CCDC85C: variants seen among roughly 807,000 people sequenced by gnomAD.
CCDC85C encodes coiled-coil domain containing 85C.
CCDC85C carries 18 observed loss-of-function variants against 38.3 expected under a neutral mutation model. The ratio of observed to expected loss-of-function variants is 0.47; its 90% CI spans 0.33 to 0.70. The LOEUF is 0.70. Among genes scored for constraint, CCDC85C ranks in the 30% least tolerant of loss-of-function variants. CCDC85C has a pLI of 0.03. For synonymous variants in CCDC85C, 264 were observed against 293.8 expected (o/e 0.90, Z 1.04); for missense variants, 566 against 621.2 (o/e 0.91, Z 0.94).
chr14:99,602,631 C>T (rs2055212448), intron 1 of CCDC85C, among the ~76,000 whole-genome samples: 1 of 152,184 alleles, frequency 6.6e-6, no homozygotes, highest in Non-Finnish European at 1.5e-5. Context: ...AGCCCCAGGC[C>T]TCTCCCCAAC....
At chr14:99,540,369 GC>G (rs1897688176) in intron 1 of CCDC85C, among the ~76,000 whole-genome samples, 1 of 152,176 alleles carries the variant, frequency 6.6e-6, no homozygotes, top group African/African-American at 2.4e-5. Context: ...AGTGATCTGG[GC>G]ACTCCCAGGC....
intron 1 of CCDC85C, among the ~76,000 whole-genome samples, chr14:99,599,314 C>T (rs2055175482): frequency 6.6e-6 from 1 of 151,980 alleles, no homozygotes; most frequent in Non-Finnish European, 1.5e-5. Context: ...TCCAGGTTGG[C>T]TAAAGGGGAG....
chr14:99,513,394 CGT>C lies in CCDC85C; in HGVS notation c.*1850_*1851del, dbSNP rs1431538607. The stretch of plus-strand genomic sequence containing the variant: ...AGCAGCAGGTGTTCACCCAACTTCA[CGT>C]GTACACCCCTAGTGACCGGGAGCGC... On this transcript the variant is annotated 3_prime_UTR_variant, in exon 6 of 6. Coordinates refer to ENST00000380243, the MANE Select transcript of CCDC85C (RefSeq NM_001144995.2). 6.6e-6 allele frequency: 1 copy of C among 152,236 alleles called. No homozygotes were observed. The highest frequency in any genetic ancestry group is 1.5e-5 in the Non-Finnish European group (1 of 68,054). The allele number at this position is 152,236 out of a possible 1,614,324, so 9.4% of individuals were successfully genotyped here.
intron 1 of CCDC85C, among the ~76,000 whole-genome samples, chr14:99,564,131 A>G (rs1436372997): frequency 6.6e-6 from 1 of 151,960 alleles, no homozygotes; most frequent in Non-Finnish European, 1.5e-5. Context: ...GCTGGACCTC[A>G]CTCCCATTAG....
intron 5 of CCDC85C, among the ~76,000 whole-genome samples, chr14:99,515,695 A>G (rs1595335384): frequency 6.6e-6 from 1 of 151,756 alleles, no homozygotes; most frequent in East Asian, 1.9e-4. Flanking sequence ...TCCTGCAAGC[A>G]CCCCCAAGGA....
In CCDC85C at chr14:99,603,574, T is replaced by A; in HGVS notation, c.386A>T (p.Glu129Val). The A allele has an allele frequency of 7.1e-7, 1 of 1,404,166 alleles. No individual in the cohort carries two copies. Among genetic ancestry groups the A allele is most frequent in the Non-Finnish European group, 9.2e-7 (1 of 1,084,890 alleles). 87.0% of individuals were successfully genotyped at this position (1,404,166 alleles called of 1,614,324 possible). ...CAGGGCCTCCTGGCGCGCCTCGAGC[T>A]CGCGCAGCTTCTGCTGCGAGCGGGC... ...EVARSQQKLR[E>V]LEARQEALLR... The change falls in exon 1 of 6, where the codon GAG becomes GTG. Residue 129 changes from glutamate to valine, a missense_variant. Physicochemically the swap from Glu to Val is moderately radical, Grantham distance 121. Transcript: ENST00000380243. The surrounding 1 kb of genome is among the most constrained non-coding windows in gnomAD (Gnocchi z 7.5).
At chr14:99,567,198 A>AGCGCCTAGG (rs59554600) in intron 1 of CCDC85C, among the ~76,000 whole-genome samples, 2,541 of 151,714 alleles carry the variant, frequency 0.017, 73 homozygotes, top group African/African-American at 0.058. Flanking sequence ...CAGTCACAGG[A>AGCGCCTAGG]AGAGCAGGTT....
chr14:99,571,050 T>TG (rs1469997547), intron 1 of CCDC85C, among the ~76,000 whole-genome samples: 4 of 152,096 alleles, frequency 2.6e-5, no homozygotes, highest in African/African-American at 9.7e-5. Context: ...CTGCCACCCC[T>TG]GCCTGTGCCC....
At chr14:99,567,758 G>C (rs1397401937) in intron 1 of CCDC85C, among the ~76,000 whole-genome samples, 2 of 152,188 alleles carry the variant, frequency 1.3e-5, no homozygotes, top group Non-Finnish European at 2.9e-5. Flanking sequence ...TTGGGAGGAG[G>C]AGCTTGCGGT....
chr14:99,522,568 C>A lies in CCDC85C; in HGVS notation c.868-328G>T, dbSNP rs568530525. On this transcript the variant is annotated intron_variant, in intron 2 of 5. Coordinates refer to ENST00000380243, the MANE Select transcript of CCDC85C (RefSeq NM_001144995.2). ...GTGTCTCTCCCACCCCGTGACTCAC[C>A]CTGGCTCCTCCGCTCCAACTTCCTG... is the stretch of plus-strand genomic sequence containing the variant. The A allele has an allele frequency of 9.5e-5, 20 of 211,178 alleles. No individual in the cohort carries two copies. In the South Asian group the frequency reaches 1.3e-3, roughly 14 times the overall value. The allele number at this position is 211,178 out of a possible 1,614,324, so 13.1% of individuals were successfully genotyped here. A position where few individuals can be genotyped will look rare whatever the true frequency, so the allele number is the denominator to read the frequency against.
intron 1 of CCDC85C, among the ~76,000 whole-genome samples, chr14:99,563,377 G>A (rs1237813652): frequency 1.3e-5 from 2 of 152,280 alleles, no homozygotes; most frequent in African/African-American, 4.8e-5. Context: ...CATGCTGTCA[G>A]GACCCAGCAG....
At chr14:99,525,466 T>C (rs7155011) in intron 2 of CCDC85C, among the ~76,000 whole-genome samples, 131,232 of 152,250 alleles carry the variant, frequency 0.86, 58,389 homozygotes, top group East Asian at 0.99. Flanking sequence ...AAAGGATGGG[T>C]GGGGTGGCTG....
chr14:99,570,394 G>A (rs867431890), intron 1 of CCDC85C, among the ~76,000 whole-genome samples: 3 of 152,204 alleles, frequency 2.0e-5, no homozygotes, highest in Admixed American at 1.3e-4. Context: ...AGACAGCTTG[G>A]CAGCACCTGC....
rs2055095455 is a variant in CCDC85C at position 99,592,222 on chromosome 14, GA to G, written c.793+10944del. On this transcript the variant is annotated intron_variant, in intron 1 of 5. Transcript: ENST00000380243. ...CATGTCATTTAATTGTAATGAAAGT[GA>G]ATTGAAGCAGCTACATATGGCTAGT... Among the ~76,000 whole-genome samples the G allele has an allele frequency of 2.0e-5, 3 of 152,314 alleles. 1 individual carries two copies. Among genetic ancestry groups the G allele is most frequent in the Non-Finnish European group, 1.5e-5 (1 of 68,032 alleles).
In CCDC85C at chr14:99,535,135, G is replaced by A. The variant is rs1478146520; in HGVS notation, c.867+880C>T. On this transcript the variant is annotated intron_variant, in intron 2 of 5. Transcript: ENST00000380243. The surrounding 1 kb of genome is among the most constrained non-coding windows in gnomAD (Gnocchi z 5.5). ...CGTGGAATTCCTGAGCTGGGCAGTC[G>A]GCACCAAGCCTGGCTGGTCACCTAG... is the stretch of plus-strand genomic sequence containing the variant. 2 of 179,690 alleles carry A rather than the reference G, an allele frequency of 1.1e-5. No homozygotes were observed. Among genetic ancestry groups the A allele is most frequent in the Non-Finnish European group, 1.2e-5 (1 of 85,706 alleles). The allele number at this position is 179,690 out of a possible 1,614,324, so 11.1% of individuals were successfully genotyped here. A position where few individuals can be genotyped will look rare whatever the true frequency, so the allele number is the denominator to read the frequency against.
chr14:99,560,889 C>T (rs1031139245), intron 1 of CCDC85C, among the ~76,000 whole-genome samples: 3 of 152,326 alleles, frequency 2.0e-5, no homozygotes, highest in African/African-American at 2.4e-5. Flanking sequence ...TGGAGAGGGA[C>T]GGGCCTCCTC....
Position 99,517,178 on chromosome 14 carries a change from C to T in CCDC85C, c.981G>A (p.Pro327=), listed in dbSNP as rs777119616. The T allele has an allele frequency of 2.9e-5, 44 of 1,543,844 alleles. No individual in the cohort carries two copies. Among genetic ancestry groups the T allele is most frequent in the Admixed American group, 1.2e-4 (6 of 50,474 alleles). Reference sequence around the variant, plus strand: ...AGGGCAGCTCAGGTGCGGGGCAGGCCGGGCCCTGGGGAAGGCAATCACACA... The same window carrying T: ...AGGGCAGCTCAGGTGCGGGGCAGGCTGGGCCCTGGGGAAGGCAATCACACA... ...PSYQDSLQNG[P]ACPAPELPSP... is the part of the protein sequence containing the mutation. Residue 327 remains proline (P), a synonymous_variant, in exon 4 of 6, where the codon CCG becomes CCA. Coordinates refer to ENST00000380243, the MANE Select transcript of CCDC85C (RefSeq NM_001144995.2).
At chr14:99,528,607 C>T (rs1035722717) in intron 2 of CCDC85C, among the ~76,000 whole-genome samples, 3 of 152,222 alleles carry the variant, frequency 2.0e-5, no homozygotes, top group African/African-American at 7.2e-5. Context: ...TTGAGAAGCC[C>T]TGGGATGGGG....
At chr14:99,532,679 GTC>G (rs751689218) in intron 2 of CCDC85C, among the ~76,000 whole-genome samples, 2 of 151,934 alleles carry the variant, frequency 1.3e-5, no homozygotes, top group South Asian at 2.1e-4. Context: ...CCGTCTCTCT[GTC>G]TCTCTCTCTC....
Sources: allele counts gnomAD v4.1 joint callset (sites outside exome capture counted in the v4.1 genomes callset), GRCh38; gene constraint gnomAD v4.1.1; non-coding constraint Gnocchi (gnomAD v3.1); transcripts MANE v1.5; gene names NCBI Gene and HGNC (gene_info 2026-07-23, HGNC 2026-07-21).